ARNT2: variants seen among roughly 807,000 people sequenced by gnomAD.
ARNT2 encodes the protein ARNT protein 2.
Under a neutral mutation model 91.7 loss-of-function variants are expected in ARNT2, and 36 were observed. The ratio of observed to expected loss-of-function variants is 0.39; its 90% CI spans 0.30 to 0.52. The LOEUF is 0.52. Among genes scored for constraint, ARNT2 ranks in the 20% least tolerant of loss-of-function variants. The pLI, the probability that ARNT2 is intolerant of heterozygous loss-of-function variation, is 0.72. For synonymous variants in ARNT2, 365 were observed against 347.1 expected (o/e 1.05, Z -0.57); for missense variants, 775 against 939.3 (o/e 0.83, Z 2.29).
chr15:80,460,455 C>T (rs1042554082), intron 3 of ARNT2, among the ~76,000 whole-genome samples: 8 of 152,322 alleles, frequency 5.3e-5, no homozygotes, highest in East Asian at 1.9e-4. Flanking sequence ...CACACAAGCA[C>T]GCACATGCAC....
intron 9 of ARNT2, among the ~76,000 whole-genome samples, chr15:80,552,418 T>C (rs1004386387): frequency 6.6e-6 from 1 of 152,218 alleles, no homozygotes; most frequent in Middle Eastern, 3.2e-3. Context: ...TTCCCATTGG[T>C]TGATAAGGCA....
At chr15:80,528,456 T>C (rs542113839) in intron 8 of ARNT2, among the ~76,000 whole-genome samples, 1 of 152,294 alleles carries the variant, frequency 6.6e-6, no homozygotes, top group South Asian at 2.1e-4. Context: ...ATCTGTCATC[T>C]ACTGACATCT....
In ARNT2 at chr15:80,570,853, GT is replaced by G. The variant is rs144710771; in HGVS notation, c.1317-3293del. Among the ~76,000 whole-genome samples, 808 of 152,282 alleles carry G rather than the reference GT, an allele frequency of 5.3e-3. 10 individuals are homozygous for G. The highest frequency in any genetic ancestry group is 0.018 in the African/African-American group (732 of 41,540). ...TCTGTCCCCGGTGCCTGGCAAAAGA[GT>G]TCCGTACAGTTCACTGAATGAATGA... On this transcript the variant is annotated intron_variant, in intron 12 of 18. Coordinates refer to ENST00000303329, the MANE Select transcript of ARNT2 (RefSeq NM_014862.4).
chr15:80,557,794 C>T (rs989629564), intron 11 of ARNT2, among the ~76,000 whole-genome samples: 5 of 152,150 alleles, frequency 3.3e-5, no homozygotes, highest in Non-Finnish European at 7.3e-5. Context: ...CAGATCACCC[C>T]ATCTCCCATT....
chr15:80,520,373 T>C (rs969609759), intron 8 of ARNT2, among the ~76,000 whole-genome samples: 1 of 152,154 alleles, frequency 6.6e-6, no homozygotes, highest in Non-Finnish European at 1.5e-5. Flanking sequence ...TTCTCTAATA[T>C]AAAGATAACA....
intron 1 of ARNT2, among the ~76,000 whole-genome samples, chr15:80,437,913 G>T (rs1197100538): frequency 2.8e-5 from 3 of 108,112 alleles, no homozygotes; most frequent in South Asian, 3.5e-4. Context: ...TTTTTAAAAT[G>T]TATTTACCTA....
At chr15:80,516,331 T>C (rs1897434166) in intron 8 of ARNT2, among the ~76,000 whole-genome samples, 1 of 152,178 alleles carries the variant, frequency 6.6e-6, no homozygotes, top group Non-Finnish European at 1.5e-5. Context: ...TGTTTCTCCT[T>C]GTAGGTCTTT....
chr15:80,486,199 C>G (rs1896970453), intron 5 of ARNT2, among the ~76,000 whole-genome samples: 1 of 152,152 alleles, frequency 6.6e-6, no homozygotes, highest in East Asian at 1.9e-4. Context: ...GAATACCAGT[C>G]TGTTGGATTA....
chr15:80,479,958 T>G (rs780961258), intron 5 of ARNT2, among the ~76,000 whole-genome samples: 3 of 151,684 alleles, frequency 2.0e-5, no homozygotes, highest in Non-Finnish European at 4.4e-5. Flanking sequence ...AAGAGACAAG[T>G]GGGCAGGCAG....
chr15:80,561,132 C>CT (rs1354041741), intron 11 of ARNT2, among the ~76,000 whole-genome samples: 2 of 152,202 alleles, frequency 1.3e-5, no homozygotes, highest in Admixed American at 6.5e-5. Flanking sequence ...ATGCTGCATG[C>CT]AGTCTGGCCA....
chr15:80,452,090 A>G (rs1000563411), intron 2 of ARNT2, among the ~76,000 whole-genome samples: 1 of 152,168 alleles, frequency 6.6e-6, no homozygotes, highest in African/African-American at 2.4e-5. Context: ...AGGATCTGGG[A>G]TGGAGTGTGG....
intron 1 of ARNT2, among the ~76,000 whole-genome samples, chr15:80,426,764 C>T (rs1027460606): frequency 6.6e-6 from 1 of 152,186 alleles, no homozygotes; most frequent in Non-Finnish European, 1.5e-5. Context: ...TAACAAAATA[C>T]TATAGACTGG....
intron 1 of ARNT2, among the ~76,000 whole-genome samples, chr15:80,413,424 G>A (rs541801047): frequency 1.4e-4 from 21 of 152,372 alleles, no homozygotes; most frequent in African/African-American, 5.0e-4. Context: ...AGGGCTTAGA[G>A]AGCATGCGGC....
chr15:80,464,553 A>C (rs1000763279), intron 3 of ARNT2, among the ~76,000 whole-genome samples: 3 of 152,270 alleles, frequency 2.0e-5, no homozygotes, highest in Middle Eastern at 3.4e-3. Flanking sequence ...TGCCTTGCAG[A>C]AACCTGGGCC....
chr15:80,445,221 G>A (rs116625660), intron 1 of ARNT2: 6,538 of 149,236 alleles, frequency 0.044, 158 homozygotes, highest in South Asian at 0.095. Flanking sequence ...TGTGTGTTGA[G>A]AGTGGTGTGG....
At chr15:80,562,541 T>TATAA (rs1004688029) in intron 11 of ARNT2, among the ~76,000 whole-genome samples, 7 of 152,180 alleles carry the variant, frequency 4.6e-5, no homozygotes, top group African/African-American at 1.7e-4. Flanking sequence ...CATAGAAACT[T>TATAA]ATAAATAAAT....
intron 5 of ARNT2, among the ~76,000 whole-genome samples, chr15:80,490,695 C>G (rs1006706406): frequency 6.6e-6 from 1 of 152,260 alleles, no homozygotes; most frequent in African/African-American, 2.4e-5. Flanking sequence ...GCCACCAGGT[C>G]TTCACAGATG....
chr15:80,416,921 T>A (rs1434618117), intron 1 of ARNT2, among the ~76,000 whole-genome samples: 1 of 152,224 alleles, frequency 6.6e-6, no homozygotes, highest in Admixed American at 6.5e-5. Context: ...ATTTATGTGC[T>A]TGGCAGACCT....
intron 17 of ARNT2, among the ~76,000 whole-genome samples, chr15:80,589,868 TCCTATGTG>T (rs2141487830): frequency 6.6e-6 from 1 of 152,270 alleles, no homozygotes; most frequent in South Asian, 2.1e-4. Context: ...TATAGCAGAA[TCCTATGTG>T]CACAGTAGAT....
Sources: allele counts gnomAD v4.1 joint callset (sites outside exome capture counted in the v4.1 genomes callset), GRCh38; gene constraint gnomAD v4.1.1; transcripts MANE v1.5; gene names NCBI Gene and HGNC (gene_info 2026-07-23, HGNC 2026-07-21).